The following NFX1 variants were observed in gnomAD, a reference collection of about 807,000 sequenced individuals.
The protein encoded by NFX1 is nuclear transcription factor, X-box binding 1, also known as transcriptional repressor NF-X1.
Under a neutral mutation model 137.2 loss-of-function variants are expected in NFX1, and 69 were observed. That is an observed-to-expected ratio of 0.50 (90% CI 0.41 to 0.61). NFX1 has a LOEUF of 0.61. Among genes scored for constraint, NFX1 ranks in the 20% least tolerant of loss-of-function variants. The pLI is 0.00. For synonymous variants in NFX1, 495 were observed against 474.1 expected, an observed-to-expected ratio of 1.04 and a Z score of -0.57; for missense variants, 1,167 against 1,391.0, an observed-to-expected ratio of 0.84 and a Z score of 2.56.
chr9:33,305,542 A>G (rs894364873), intron 4 of NFX1, among the ~76,000 whole-genome samples: 2 of 152,240 alleles, frequency 1.3e-5, no homozygotes, highest in Non-Finnish European at 2.9e-5. Context: ...GAGGGCATCA[A>G]CATGATTCTT....
chr9:33,332,182 A>G (rs1403864134), intron 10 of NFX1, among the ~76,000 whole-genome samples: 12 of 151,766 alleles, frequency 7.9e-5, no homozygotes, highest in Admixed American at 7.9e-4. Context: ...CCCTCTTTCT[A>G]TTTAGATTTT....
At chr9:33,339,400 A>G (rs1823134551) in intron 12 of NFX1, among the ~76,000 whole-genome samples, 1 of 152,158 alleles carries the variant, frequency 6.6e-6, no homozygotes. Flanking sequence ...CATGAGACTT[A>G]TTCACTATCA....
At chr9:33,340,063 CCTT>C (rs1360125937) in intron 12 of NFX1, among the ~76,000 whole-genome samples, 3 of 152,220 alleles carry the variant, frequency 2.0e-5, no homozygotes, top group Non-Finnish European at 2.9e-5. Context: ...AGGACAGTGG[CCTT>C]CTTCTCACAG....
At chr9:33,364,929 T>C in intron 21 of NFX1, 155 bp downstream of exon 21, 4 of 1,450,728 alleles carry the variant, frequency 2.8e-6, no homozygotes, top group Non-Finnish European at 3.6e-6. Context: ...AACACAGCCA[T>C]TATAACATCT....
intron 5 of NFX1, among the ~76,000 whole-genome samples, chr9:33,308,207 C>T: frequency 6.6e-6 from 1 of 152,128 alleles, no homozygotes; most frequent in East Asian, 1.9e-4. Context: ...GTTGGGAAGC[C>T]AAGGCAGGAG....
chr9:33,296,623 C>T (rs1024093535), intron 2 of NFX1, among the ~76,000 whole-genome samples: 1 of 152,152 alleles, frequency 6.6e-6, no homozygotes, highest in Non-Finnish European at 1.5e-5. Flanking sequence ...TAGTCCCAGA[C>T]ACTCAGGAAG....
At chr9:33,298,726 G>C (rs1003327917) in intron 2 of NFX1, among the ~76,000 whole-genome samples, 1 of 152,180 alleles carries the variant, frequency 6.6e-6, no homozygotes, top group African/African-American at 2.4e-5. Context: ...CAAGGCTGCA[G>C]TAAGTAGTGG....
intron 9 of NFX1, among the ~76,000 whole-genome samples, chr9:33,322,651 G>A (rs183414160): frequency 1.3e-5 from 2 of 152,232 alleles, no homozygotes; most frequent in East Asian, 3.9e-4. Flanking sequence ...AGGTTCCACT[G>A]AGAGAAGCAA....
At position 33,346,159 on chromosome 9, in the gene NFX1, G is replaced by A. The variant is rs184556016; in HGVS notation, c.2345-879G>A. Among the ~76,000 whole-genome samples, 62 of 152,262 alleles carry A rather than the reference G, an allele frequency of 4.1e-4. 1 individual carries two copies. Among genetic ancestry groups the A allele is most frequent in the African/African-American group, 1.4e-3 (60 of 41,550 alleles). ...CCAGCGTAGTTTGCAAGCCCCTCCTGTGGCATTCATACCAGCATGAAGTAC... is the reference window on the plus strand; with the variant it reads ...CCAGCGTAGTTTGCAAGCCCCTCCTATGGCATTCATACCAGCATGAAGTAC... On this transcript the variant is annotated intron_variant, in intron 14 of 23. Coordinates refer to ENST00000379540, the MANE Select transcript of NFX1 (RefSeq NM_002504.6).
intron 4 of NFX1, 131 bp downstream of exon 4, chr9:33,303,399 G>A (rs1177679261): frequency 5.5e-6 from 4 of 722,774 alleles, no homozygotes; most frequent in African/African-American, 1.8e-5. Flanking sequence ...CTATAAGACT[G>A]TAATTATGTG....
At chr9:33,323,136 G>A (rs1448905980) in intron 9 of NFX1, among the ~76,000 whole-genome samples, 2 of 152,166 alleles carry the variant, frequency 1.3e-5, no homozygotes, top group Non-Finnish European at 2.9e-5. Context: ...TGCTTGAAAC[G>A]ACTGTCATTC....
intron 19 of NFX1, among the ~76,000 whole-genome samples, chr9:33,363,652 T>G (rs1348262956): frequency 6.6e-6 from 1 of 152,202 alleles, no homozygotes; most frequent in Non-Finnish European, 1.5e-5. Flanking sequence ...TATATTAATT[T>G]TAACATTTGT....
At chr9:33,290,952 G>A (rs1260341149) in intron 1 of NFX1, among the ~76,000 whole-genome samples, 1 of 152,210 alleles carries the variant, frequency 6.6e-6, no homozygotes, top group African/African-American at 2.4e-5. Context: ...GGCTCTTGAC[G>A]TGTAGGGTGT....
At chr9:33,352,545 C>G in intron 16 of NFX1, 101 bp from the exon 17 acceptor site, 1 of 1,001,060 alleles carries the variant, frequency 1.0e-6, no homozygotes. Flanking sequence ...CACTGACTCT[C>G]TAGTCTCTGC....
chr9:33,329,509 C>CA (rs1822721894), intron 10 of NFX1, among the ~76,000 whole-genome samples: 1 of 152,174 alleles, frequency 6.6e-6, no homozygotes, highest in South Asian at 2.1e-4. Context: ...CATGGCATTC[C>CA]ACTAGGCTTA....
intron 21 of NFX1, 116 bp downstream of exon 21, chr9:33,364,890 A>G (rs967584373): frequency 3.3e-5 from 50 of 1,516,062 alleles, no homozygotes; most frequent in Middle Eastern, 1.7e-4. Context: ...AAAAGTCACA[A>G]CTTCTTTGAG....
intron 10 of NFX1, among the ~76,000 whole-genome samples, chr9:33,330,317 A>T (rs1822757498): frequency 6.6e-6 from 1 of 152,206 alleles, no homozygotes; most frequent in Non-Finnish European, 1.5e-5. Flanking sequence ...TGACTTGCGA[A>T]TAATTCTGAG....
intron 19 of NFX1, among the ~76,000 whole-genome samples, chr9:33,357,745 T>G (rs1470413327): frequency 6.6e-6 from 1 of 151,252 alleles, no homozygotes; most frequent in Admixed American, 6.6e-5. Flanking sequence ...AGGGTTTTAC[T>G]ATGTTGACCA....
chr9:33,348,833 C>A (rs962208446), intron 15 of NFX1: 6 of 958,996 alleles, frequency 6.3e-6, no homozygotes, highest in Non-Finnish European at 7.4e-6. Flanking sequence ...TTTTTCCTTG[C>A]TGTGGTTAAG....
Sources: gnomAD v4.1 joint callset for allele counts (sites outside exome capture counted in the v4.1 genomes callset) on GRCh38, gnomAD v4.1.1 for gene constraint, MANE v1.5 for transcripts, NCBI Gene and HGNC (gene_info 2026-07-23, HGNC 2026-07-21) for gene names.